Variants in PPP2R1A observed in about 807,000 individuals in gnomAD.
PPP2R1A encodes the protein serine/threonine-protein phosphatase 2A 65 kDa regulatory subunit A alpha isoform.
PPP2R1A carries 15 observed loss-of-function variants against 67.1 expected under a neutral mutation model. The ratio of observed to expected loss-of-function variants is 0.22; its 90% CI spans 0.15 to 0.34. PPP2R1A has a LOEUF of 0.34. PPP2R1A is among the 10% of genes least tolerant of loss of function. PPP2R1A has a pLI of 1.00. For synonymous variants in PPP2R1A, 337 were observed against 325.0 expected (o/e 1.04, Z -0.40); for missense variants, 369 against 775.0 (o/e 0.48, Z 6.22).
At chr19:52,220,898 A>T in intron 11 of PPP2R1A, 81 bp from the exon 12 acceptor site, 3 of 1,519,310 alleles carry the variant, frequency 2.0e-6, no homozygotes, top group South Asian at 2.4e-5. Context: ...TTTGTAAGCC[A>T]TGGTGAGTGT....
At chr19:52,224,807 C>T (rs1979154921) in intron 13 of PPP2R1A, among the ~76,000 whole-genome samples, 1 of 152,140 alleles carries the variant, frequency 6.6e-6, no homozygotes, top group South Asian at 2.1e-4. Context: ...TCAGGCAGTT[C>T]TTGTGCCTCA....
At position 52,222,261 on chromosome 19, in the gene PPP2R1A, C is replaced by T. The variant is rs1978983800; in HGVS notation, c.1661+20C>T. Reference sequence around the variant, plus strand: ...CAACAGGTGAGGTCTGGATACTCCCCCACACACTGGCAGGGGCTTCTTGTG... The same window carrying T: ...CAACAGGTGAGGTCTGGATACTCCCTCACACACTGGCAGGGGCTTCTTGTG... On this transcript the variant is annotated intron_variant, in intron 13 of 14. Transcript: ENST00000322088. 5 of 1,608,258 alleles carry T rather than the reference C, an allele frequency of 3.1e-6. No individual in the cohort carries two copies. Among genetic ancestry groups the T allele is most frequent in the Non-Finnish European group, 4.2e-6 (5 of 1,176,526 alleles).
intron 1 of PPP2R1A, among the ~76,000 whole-genome samples, chr19:52,193,645 T>C (rs2089473327): frequency 6.6e-6 from 1 of 152,058 alleles, no homozygotes; most frequent in African/African-American, 2.4e-5. Flanking sequence ...TCTCTGCTCA[T>C]TGCAACCTCC....
At position 52,190,185 on chromosome 19, in the gene PPP2R1A, T is replaced by A; in HGVS notation, c.78+11T>A. 6.5e-7 allele frequency: 1 copy of A among 1,550,168 alleles called. No individual in the cohort carries two copies. The highest frequency in any genetic ancestry group is 8.7e-7 in the Non-Finnish European group (1 of 1,146,380). On this transcript the variant is annotated intron_variant, in intron 1 of 14. Transcript: ENST00000322088. ...AATGAGGACGTTCAGGTCCGGAGGC[T>A]ACGGGGGACTTGGGGAAGACGCGGA... is the stretch of plus-strand genomic sequence containing the variant.
At chr19:52,221,340 GA>G (rs1978914863) in intron 12 of PPP2R1A, among the ~76,000 whole-genome samples, 1 of 152,186 alleles carries the variant, frequency 6.6e-6, no homozygotes, top group South Asian at 2.1e-4. Flanking sequence ...TGGGACTGGG[GA>G]CTTGGATGGT....
At chr19:52,202,735 A>G (rs1340916561) in intron 2 of PPP2R1A, among the ~76,000 whole-genome samples, 4 of 152,210 alleles carry the variant, frequency 2.6e-5, no homozygotes, top group Non-Finnish European at 5.9e-5. Flanking sequence ...TCTGAGCTCT[A>G]CCACTTTCTA....
intron 13 of PPP2R1A, among the ~76,000 whole-genome samples, chr19:52,224,136 G>C (rs1979109057): frequency 6.6e-6 from 1 of 152,188 alleles, no homozygotes; most frequent in Non-Finnish European, 1.5e-5. Flanking sequence ...TTCAGAAACA[G>C]GCAGAATGAA....
rs1272064193 is a variant in PPP2R1A, at chr19:52,190,058, GC to G, written c.-38del. Reference sequence around the variant, plus strand: ...ATTGCCCCCCCCACGTTTCAGCACAGCGCTGGCCGCAGTCTGACAGGAAAGG... The same window carrying G: ...ATTGCCCCCCCCACGTTTCAGCACAGGCTGGCCGCAGTCTGACAGGAAAGG... On this transcript the variant is annotated 5_prime_UTR_variant, in exon 1 of 15. Transcript: ENST00000322088. The G allele has an allele frequency of 6.5e-7, 1 of 1,526,854 alleles. No individual in the cohort carries two copies. The highest frequency in any genetic ancestry group is 2.5e-5 in the East Asian group (1 of 40,724). The allele number at this position is 1,526,854 out of a possible 1,614,324, so 94.6% of individuals were successfully genotyped here.
intron 2 of PPP2R1A, among the ~76,000 whole-genome samples, chr19:52,202,278 A>G (rs1296530261): frequency 9.8e-6 from 1 of 101,928 alleles, no homozygotes; most frequent in Non-Finnish European, 2.3e-5. Context: ...TTGCAGCTCC[A>G]ACAGTTGGAA....
intron 13 of PPP2R1A, among the ~76,000 whole-genome samples, chr19:52,223,705 CAGT>C (rs759377242): frequency 5.3e-5 from 8 of 152,264 alleles, no homozygotes; most frequent in Admixed American, 2.6e-4. Flanking sequence ...AAAAAAGACT[CAGT>C]GGTGCAAATG....
intron 6 of PPP2R1A, among the ~76,000 whole-genome samples, chr19:52,214,074 T>C (rs1157345844): frequency 6.6e-6 from 1 of 151,818 alleles, no homozygotes; most frequent in African/African-American, 2.4e-5. Context: ...CTTGGAAGCA[T>C]TGAGGAGGGG....
Position 52,216,031 on chromosome 19 carries a change from G to C in PPP2R1A, c.950G>C (p.Cys317Ser), listed in dbSNP as rs772234016. 1.2e-6 allele frequency: 2 copies of C among 1,614,098 alleles called. No individual in the cohort carries two copies. Among genetic ancestry groups the C allele is most frequent in the East Asian group, 2.2e-5 (1 of 44,886 alleles). ...KEFCENLSADCRENVIMSQIL... is the reference protein window; with the variant it reads ...KEFCENLSADSRENVIMSQIL... ...TTCTGTGAAAACCTCTCAGCTGACTGTCGGGAGAATGTGATCATGTCCCAG... is the reference window on the plus strand; with the variant it reads ...TTCTGTGAAAACCTCTCAGCTGACTCTCGGGAGAATGTGATCATGTCCCAG... The change falls in exon 8 of 15, where the codon TGT becomes TCT. Residue 317 changes from cysteine to serine, a missense_variant. By Grantham distance (112) the Cys-to-Ser change is moderately radical (BLOSUM62 -1). This residue lies in a region of PPP2R1A where 276 missense variants were observed against 508.4 expected (regional missense o/e 0.54). Transcript: ENST00000322088. This position sits in a 1 kb window ranked among gnomAD's most constrained non-coding sequence, Gnocchi z 4.3.
chr19:52,199,133 C>G (rs916393946), intron 1 of PPP2R1A, among the ~76,000 whole-genome samples: 13 of 152,092 alleles, frequency 8.5e-5, no homozygotes, highest in Non-Finnish European at 4.4e-5. Context: ...GCAACTAGGT[C>G]AATACTCCCC....
chr19:52,207,999 G>C (rs2089622613), intron 3 of PPP2R1A, among the ~76,000 whole-genome samples: 1 of 152,134 alleles, frequency 6.6e-6, no homozygotes, highest in South Asian at 2.1e-4. Context: ...ATAAGAAATA[G>C]AAAATGGCTT....
Position 52,221,056 on chromosome 19 carries a change from A to G in PPP2R1A, c.1441A>G (p.Thr481Ala). The G allele has an allele frequency of 6.2e-7, 1 of 1,614,240 alleles. No homozygotes were observed. The highest frequency in any genetic ancestry group is 8.5e-7 in the Non-Finnish European group (1 of 1,180,038). Residue 481 changes from threonine (T) to alanine (A), a missense_variant, in exon 12 of 15, where the codon ACA (threonine) becomes GCA (alanine). Thr to Ala is a moderately conservative substitution (Grantham distance 58). Around this residue, in one of 2 missense-constraint regions of PPP2R1A, gnomAD observed 276 missense variants for 508.4 expected, o/e 0.54. Transcript: ENST00000322088. ...GTTTGGGAAGGAGTGGGCCCATGCCACAATCATCCCCAAGGTCTTGGCCAT... is the reference window on the plus strand; with the variant it reads ...GTTTGGGAAGGAGTGGGCCCATGCCGCAATCATCCCCAAGGTCTTGGCCAT... ...EKFGKEWAHA[T>A]IIPKVLAMSG...
At chr19:52,220,916 A>G (rs1978881764) in intron 11 of PPP2R1A, 63 bp from the exon 12 acceptor site, 3 of 1,574,096 alleles carry the variant, frequency 1.9e-6, no homozygotes, top group East Asian at 2.2e-5. Context: ...TGTGACCTAC[A>G]TTTTGCCCAC....
intron 6 of PPP2R1A, among the ~76,000 whole-genome samples, chr19:52,214,344 A>G (rs569599394): frequency 2.6e-5 from 4 of 152,206 alleles, no homozygotes; most frequent in East Asian, 1.9e-4. Context: ...GCTGGTTCCC[A>G]CTGGCATTTG....
intron 1 of PPP2R1A, among the ~76,000 whole-genome samples, chr19:52,190,500 C>T (rs147863370): frequency 0.012 from 1,796 of 152,290 alleles, 12 homozygotes; most frequent in Non-Finnish European, 0.02. Context: ...CCGTGATTGG[C>T]GGCGGCCTCT....
At chr19:52,215,573 A>T (rs548560373) in intron 6 of PPP2R1A, among the ~76,000 whole-genome samples, 1 of 152,092 alleles carries the variant, frequency 6.6e-6, no homozygotes, top group African/African-American at 2.4e-5. Flanking sequence ...CGCAGTCCTC[A>T]TTTTTCTTTG....
Sources: gnomAD v4.1 joint callset for allele counts (sites outside exome capture counted in the v4.1 genomes callset) on GRCh38, gnomAD v4.1.1 for gene constraint, gnomAD v4.1.1 regional missense constraint, Gnocchi (gnomAD v3.1) non-coding constraint, MANE v1.5 for transcripts, NCBI Gene and HGNC (gene_info 2026-07-23, HGNC 2026-07-21) for gene names.